ODF2L: variants seen among roughly 807,000 people sequenced by gnomAD.
ODF2L encodes the protein protein BCAP.
Under a neutral mutation model 86.3 loss-of-function variants are expected in ODF2L, and 76 were observed. That is an observed-to-expected ratio of 0.88 (90% CI 0.73 to 1.07). The LOEUF (loss-of-function observed/expected upper bound fraction) is 1.07. ODF2L is among the 50% of genes least tolerant of loss of function. The probability of loss-of-function intolerance (pLI) is 0.00; values close to 1 mark genes in which losing one functional copy is unlikely to be tolerated. For missense variants in ODF2L, 748 were observed against 717.4 expected (o/e 1.04, Z -0.49); for synonymous variants, 241 against 231.3 (o/e 1.04, Z -0.38).
chr1:86,385,516 G>C lies in ODF2L; in HGVS notation c.188C>G (p.Ser63Cys), dbSNP rs1230594306. The C allele has an allele frequency of 1.9e-6, 3 of 1,604,584 alleles. No homozygotes were observed. The Admixed American group carries it at 5.0e-5, about 27-fold the overall frequency. Residue 63 changes from serine (S) to cysteine (C), a missense_variant, in exon 3 of 18, where the codon TCT (serine) becomes TGT (cysteine). Ser to Cys is a moderately radical substitution (Grantham distance 112). Coordinates refer to ENST00000317336, the Ensembl canonical transcript of ODF2L. ...AAATAGTGGCAAAAGCAATTCTACA[G>C]AATGAGTTACCAACTCCGCTTCCTT... is the stretch of plus-strand genomic sequence containing the variant.
exon 2 of ODF2L, chr1:86,387,017 G>A: frequency 6.4e-7 from 1 of 1,552,516 alleles, no homozygotes; most frequent in Non-Finnish European, 8.7e-7. Flanking sequence ...ATCATTTACA[G>A]CCTTCTCCAT....
chr1:86,364,303 A>G (rs1659246691), intron 11 of ODF2L, among the ~76,000 whole-genome samples: 2 of 152,210 alleles, frequency 1.3e-5, no homozygotes, highest in East Asian at 1.9e-4. Flanking sequence ...TATATGTCAC[A>G]CTTTCCCTGG....
intron 11 of ODF2L, among the ~76,000 whole-genome samples, chr1:86,361,202 A>G (rs1023978041): frequency 1.3e-5 from 2 of 152,206 alleles, no homozygotes; most frequent in African/African-American, 4.8e-5. Context: ...CAAGATTCCT[A>G]GGTCAGAGAC....
At chr1:86,393,472 C>T (rs1481993369) in intron 1 of ODF2L, among the ~76,000 whole-genome samples, 6 of 150,836 alleles carry the variant, frequency 4.0e-5, no homozygotes, top group South Asian at 2.1e-4. Context: ...ATGGAAAAAA[C>T]GTTTTCTGAT....
In ODF2L at chr1:86,383,401, A is replaced by C. The variant is rs272518; in HGVS notation, c.373-205T>G. ...ATGAAATTAGTTAATTTACTAAATTAATCTCAAAAGAATGCTTCAGAAAGT... is the reference window on the plus strand; with the variant it reads ...ATGAAATTAGTTAATTTACTAAATTCATCTCAAAAGAATGCTTCAGAAAGT... On this transcript the variant is annotated intron_variant, in intron 4 of 17. Transcript: ENST00000317336. Among the ~76,000 whole-genome samples the C allele has an allele frequency of 3.1e-4, 47 of 151,620 alleles. No homozygotes were observed. The South Asian group carries it at 9.3e-3, about 30-fold the overall frequency.
At chr1:86,381,113 A>G (rs1441862913) in intron 7 of ODF2L, among the ~76,000 whole-genome samples, 1 of 152,174 alleles carries the variant, frequency 6.6e-6, no homozygotes, top group Non-Finnish European at 1.5e-5. Context: ...GTTTCTTTTA[A>G]TCATTTCTTA....
At chr1:86,376,128 G>A in intron 8 of ODF2L, 105 bp downstream of exon 8, 1 of 575,452 alleles carries the variant, frequency 1.7e-6, no homozygotes, top group East Asian at 2.9e-5. Context: ...GGTATTAACA[G>A]CATTAAGAAA....
At chr1:86,385,372 A>G in intron 3 of ODF2L, 86 bp downstream of exon 3, 1 of 755,028 alleles carries the variant, frequency 1.3e-6, no homozygotes, top group Non-Finnish European at 2.1e-6. Context: ...AAGTGAGCAT[A>G]CCTATATAAG....
At chr1:86,368,664 T>A in exon 11 of ODF2L, 1 of 1,449,764 alleles carries the variant, frequency 6.9e-7, no homozygotes, top group African/African-American at 1.4e-5. Flanking sequence ...GCAAAGCATA[T>A]CAAGAACAAT....
At chr1:86,355,228 TTC>T (rs1658450555) in intron 14 of ODF2L, 6 of 701,678 alleles carry the variant, frequency 8.6e-6, no homozygotes, top group South Asian at 5.9e-5. Context: ...TCTTATGGTT[TTC>T]TGTTTCACCT....
intron 1 of ODF2L, among the ~76,000 whole-genome samples, chr1:86,388,473 T>C (rs1661095490): frequency 6.6e-6 from 1 of 152,080 alleles, no homozygotes; most frequent in African/African-American, 2.4e-5. Context: ...TTTTTTATAT[T>C]TGAATCCTCA....
chr1:86,356,278 T>C (rs966659143), intron 14 of ODF2L, among the ~76,000 whole-genome samples, 166 bp downstream of exon 13: 4 of 152,200 alleles, frequency 2.6e-5, no homozygotes, highest in Non-Finnish European at 1.5e-5. Context: ...ACTAAAAGAA[T>C]AGCTTGCAAA....
chr1:86,365,882 C>T (rs1208551686), intron 11 of ODF2L, among the ~76,000 whole-genome samples: 3 of 152,040 alleles, frequency 2.0e-5, no homozygotes, highest in African/African-American at 7.2e-5. Context: ...CTACCCTCCA[C>T]CCCCTGCTCA....
chr1:86,380,097 T>C (rs1660461623), intron 7 of ODF2L, among the ~76,000 whole-genome samples: 1 of 152,188 alleles, frequency 6.6e-6, no homozygotes, highest in South Asian at 2.1e-4. Flanking sequence ...AATGTGAAAT[T>C]ATCACAGAAT....
At chr1:86,387,018 C>T in exon 2 of ODF2L, 1 of 1,550,106 alleles carries the variant, frequency 6.5e-7, no homozygotes, top group South Asian at 1.2e-5. Flanking sequence ...TCATTTACAG[C>T]CTTCTCCATA....
At chr1:86,364,716 T>C (rs1659282312) in intron 11 of ODF2L, among the ~76,000 whole-genome samples, 1 of 152,122 alleles carries the variant, frequency 6.6e-6, no homozygotes, top group Non-Finnish European at 1.5e-5. Flanking sequence ...AACTTGACTA[T>C]AATGGCTGAA....
At chr1:86,359,428 CAACTT>C (rs1294473691) in intron 12 of ODF2L, among the ~76,000 whole-genome samples, 1 of 151,926 alleles carries the variant, frequency 6.6e-6, no homozygotes, top group African/African-American at 2.4e-5. Flanking sequence ...CTGGATGTCT[CAACTT>C]AATTTTCCCA....
intron 16 of ODF2L, among the ~76,000 whole-genome samples, chr1:86,354,168 A>G (rs1401046672): frequency 2.0e-5 from 3 of 152,252 alleles, no homozygotes; most frequent in Admixed American, 6.5e-5. Flanking sequence ...CTATGCAACA[A>G]TATTTGTCAA....
intron 14 of ODF2L, among the ~76,000 whole-genome samples, chr1:86,355,783 A>T (rs201743320): frequency 0.029 from 2,156 of 74,862 alleles, 21 homozygotes; most frequent in Non-Finnish European, 0.045. Flanking sequence ...AAAATGCAGT[A>T]TTTTTTTTTG....
Sources: gnomAD v4.1 joint callset for allele counts (sites outside exome capture counted in the v4.1 genomes callset) on GRCh38, gnomAD v4.1.1 for gene constraint, MANE v1.5 for transcripts, NCBI Gene and HGNC (gene_info 2026-07-23, HGNC 2026-07-21) for gene names.